Variants in SMYD4 observed in about 807,000 individuals in gnomAD.
SMYD4 encodes protein-lysine N-methyltransferase SMYD4.
In SMYD4, 68 loss-of-function variants were observed where a neutral mutation model predicts 72.8. The observed-to-expected ratio is 0.93, with a 90% CI of 0.77 to 1.14. SMYD4 has a LOEUF of 1.14. SMYD4 is among the 50% of genes most tolerant of loss of function. The pLI, the probability that SMYD4 is intolerant of heterozygous loss-of-function variation, is 0.00. For synonymous variants in SMYD4, 407 were observed against 388.6 expected, an observed-to-expected ratio of 1.05 and a Z score of -0.56; for missense variants, 984 against 1,003.7, an observed-to-expected ratio of 0.98 and a Z score of 0.27.
Position 1,804,647 on chromosome 17 carries a change from G to A in SMYD4, c.348C>T (p.Leu116=), listed in dbSNP as rs756120519. 6.2e-7 allele frequency: 1 copy of A among 1,613,730 alleles called. No individual in the cohort carries two copies. ...SLCHANRSAA[L]FHLGQYETCL... is the part of the protein sequence containing the mutation. The stretch of plus-strand genomic sequence containing the variant: ...TCACCTCATACTGACCCAGGTGGAA[G>A]AGGGCTGCCGAGCGGTTAGCATGAC... Residue 116 remains leucine, a synonymous_variant, in exon 4 of 11, where the codon CTC becomes CTT. Coordinates refer to ENST00000305513, the MANE Select transcript of SMYD4 (RefSeq NM_052928.3).
chr17:1,800,680 G>C lies in SMYD4; in HGVS notation c.714C>G (p.Cys238Trp). Residue 238 changes from cysteine to tryptophan, a missense_variant, in exon 5 of 11, where the codon TGC becomes TGG. Transcript: ENST00000305513. ...GACAGCGACCTTTTAAAGGATCTACGCATAAGCCGATGGATGATGAGGCAT... is the reference window on the plus strand; with the variant it reads ...GACAGCGACCTTTTAAAGGATCTACCCATAAGCCGATGGATGATGAGGCAT... ...LSNASSSIGL[C>W]VDPLKGRCLV... 6.2e-7 allele frequency: 1 copy of C among 1,614,128 alleles called. No individual in the cohort carries two copies. The highest frequency in any genetic ancestry group is 8.5e-7 in the Non-Finnish European group (1 of 1,180,018).
At chr17:1,789,045 C>T (rs1367519683) in intron 5 of SMYD4, among the ~76,000 whole-genome samples, 1 of 152,150 alleles carries the variant, frequency 6.6e-6, no homozygotes, top group African/African-American at 2.4e-5. Context: ...TGGAAAAAAA[C>T]CATCAAATAA....
At chr17:1,821,302 G>A (rs1351846935) in intron 2 of SMYD4, among the ~76,000 whole-genome samples, 1 of 152,084 alleles carries the variant, frequency 6.6e-6, no homozygotes, top group Non-Finnish European at 1.5e-5. Context: ...ATCACATGAG[G>A]TTAGGAGTTT....
Position 1,780,623 on chromosome 17 carries a change from A to AT in SMYD4, c.*662dup, listed in dbSNP as rs796389357. ...ACATCTGGCAGCAGAACCTCTTAAT[A>AT]TTTTTTTTTTTTCTTTGAGATGGAG... On this transcript the variant is annotated 3_prime_UTR_variant, in exon 11 of 11. Coordinates refer to ENST00000305513, the MANE Select transcript of SMYD4 (RefSeq NM_052928.3). 2.0e-3 allele frequency: 244 copies of AT among 123,712 alleles called. No homozygotes were observed. The East Asian group carries it at 0.036, about 18-fold the overall frequency. The allele number at this position is 123,712 out of a possible 1,614,324, so 7.7% of individuals were successfully genotyped here.
chr17:1,803,350 T>C (rs577218469), intron 4 of SMYD4, among the ~76,000 whole-genome samples: 1 of 152,344 alleles, frequency 6.6e-6, no homozygotes, highest in African/African-American at 2.4e-5. Flanking sequence ...AAACACGCTC[T>C]ACTTATTTAA....
chr17:1,792,654 A>C (rs930386242), intron 5 of SMYD4, among the ~76,000 whole-genome samples: 1 of 151,792 alleles, frequency 6.6e-6, no homozygotes, highest in African/African-American at 2.4e-5. Flanking sequence ...AAACAAAAAC[A>C]AAACCAGTAA....
rs1477077476 is a variant in SMYD4 at position 1,779,514 on chromosome 17, C to G, written c.*1772G>C. ...CAAAACAAAACAAAACAAAACAAAA[C>G]CAACAACTCAGAAGGAGGCATATGT... On this transcript the variant is annotated 3_prime_UTR_variant, in exon 11 of 11. Coordinates refer to ENST00000305513, the MANE Select transcript of SMYD4 (RefSeq NM_052928.3). 6.6e-6 allele frequency: 1 copy of G among 150,596 alleles called. No homozygotes were observed. Among genetic ancestry groups the G allele is most frequent in the Non-Finnish European group, 1.5e-5 (1 of 68,062 alleles). The allele number at this position is 150,596 out of a possible 1,614,324, so 9.3% of individuals were successfully genotyped here.
At chr17:1,790,130 T>G (rs140135346) in intron 5 of SMYD4, among the ~76,000 whole-genome samples, 2,919 of 152,312 alleles carry the variant, frequency 0.019, 34 homozygotes, top group Middle Eastern at 0.031. Flanking sequence ...TAATTAAAAG[T>G]GGACTTGCAT....
intron 5 of SMYD4, among the ~76,000 whole-genome samples, chr17:1,797,025 T>C (rs1909443632): frequency 6.7e-6 from 1 of 149,788 alleles, no homozygotes; most frequent in Admixed American, 6.6e-5. Flanking sequence ...TATTTTTAGA[T>C]GTTCCACGAG....
chr17:1,796,299 G>GTTTTTTT lies in SMYD4; in HGVS notation c.1537+3551_1537+3557dup, dbSNP rs35650939. 2.4e-3 allele frequency among the ~76,000 whole-genome samples: 262 copies of GTTTTTTT among 109,468 alleles called. 8 individuals carry two copies. Among genetic ancestry groups the GTTTTTTT allele is most frequent in the African/African-American group, 3.4e-3 (92 of 26,970 alleles). 71.8% of individuals were successfully genotyped at this position (109,468 alleles called of 152,430 possible). ...CAGGCACATGCCACCATGCCTGGCT[G>GTTTTTTT]TTTTTTTTTTTTTTTTTTGTAGAGA... On this transcript the variant is annotated intron_variant, in intron 5 of 10. Transcript: ENST00000305513.
chr17:1,788,575 C>CT (rs1305900212), intron 5 of SMYD4, among the ~76,000 whole-genome samples: 1 of 151,374 alleles, frequency 6.6e-6, no homozygotes, highest in Non-Finnish European at 1.5e-5. Context: ...GAAATCCCGT[C>CT]TCTACTAAAA....
chr17:1,812,741 A>G (rs1910398406), intron 2 of SMYD4, among the ~76,000 whole-genome samples: 1 of 150,262 alleles, frequency 6.7e-6, no homozygotes, highest in Admixed American at 6.7e-5. Context: ...TAGAGAAAGC[A>G]TTTCACCATG....
Position 1,800,157 on chromosome 17 carries a change from C to T in SMYD4, c.1237G>A (p.Asp413Asn), listed in dbSNP as rs781436964. The T allele has an allele frequency of 3.7e-6, 6 of 1,610,250 alleles. No individual in the cohort carries two copies. The highest frequency in any genetic ancestry group is 2.7e-5 in the African/African-American group (2 of 74,740). ...TTATTTTCATACTTCCCATTAATAT[C>T]GCATCCAGGAATTGGGGTCTCAACG... ...NIVETPIPGC[D>N]INGKYENNYN... Residue 413 changes from aspartate to asparagine, a missense_variant, in exon 5 of 11, where the codon GAT (aspartate) becomes AAT (asparagine). Physicochemically the swap from Asp to Asn is conservative, Grantham distance 23 (BLOSUM62 1). Coordinates refer to ENST00000305513, the MANE Select transcript of SMYD4 (RefSeq NM_052928.3).
At chr17:1,829,529 C>T (rs1911408976) in intron 1 of SMYD4, 197 bp downstream of exon 1, 1 of 152,450 alleles carries the variant, frequency 6.6e-6, no homozygotes, top group African/African-American at 2.4e-5. Flanking sequence ...ACACTGTCCT[C>T]TTCTCTAAGG....
chr17:1,806,589 G>T (rs1329089226), intron 3 of SMYD4, among the ~76,000 whole-genome samples: 1 of 152,106 alleles, frequency 6.6e-6, no homozygotes, highest in Non-Finnish European at 1.5e-5. Context: ...ATAAAATGCA[G>T]ATTACAACTG....
chr17:1,810,307 G>T (rs1375634182), intron 3 of SMYD4, among the ~76,000 whole-genome samples: 1 of 151,772 alleles, frequency 6.6e-6, no homozygotes, highest in Non-Finnish European at 1.5e-5. Flanking sequence ...TTGAGTCAGG[G>T]TCTCACTCTG....
chr17:1,805,837 A>G (rs900251513), intron 3 of SMYD4, among the ~76,000 whole-genome samples: 40 of 125,220 alleles, frequency 3.2e-4, no homozygotes, highest in Admixed American at 2.4e-3. Flanking sequence ...TAATAAAATA[A>G]TAATATATAT....
chr17:1,819,358 G>GAACA (rs776436318), intron 2 of SMYD4, among the ~76,000 whole-genome samples: 9 of 152,140 alleles, frequency 5.9e-5, no homozygotes, highest in Admixed American at 2.6e-4. Flanking sequence ...CTACGTCTCA[G>GAACA]AACAAACAAA....
chr17:1,822,626 A>C (rs1348782851), intron 2 of SMYD4, among the ~76,000 whole-genome samples: 1 of 152,028 alleles, frequency 6.6e-6, no homozygotes, highest in Non-Finnish European at 1.5e-5. Flanking sequence ...TGGCCAGTTA[A>C]TTTTTTGTAT....
Sources: gnomAD v4.1 joint callset for allele counts (sites outside exome capture counted in the v4.1 genomes callset) on GRCh38, gnomAD v4.1.1 for gene constraint, MANE v1.5 for transcripts, NCBI Gene and HGNC (gene_info 2026-07-23, HGNC 2026-07-21) for gene names.